ADISSP: variants seen among roughly 807,000 people sequenced by gnomAD.
ADISSP encodes the protein adipose secreted signaling protein.
the ADISSP span, among the ~76,000 whole-genome samples, chr20:3,757,107 T>C: frequency 1.3e-5 from 2 of 152,066 alleles, no homozygotes; most frequent in African/African-American, 2.4e-5. Context: ...TCCCAGCACT[T>C]TGGGAGGCCG....
At chr20:3,764,129 A>T in the ADISSP span, among the ~76,000 whole-genome samples, 1 of 152,160 alleles carries the variant, frequency 6.6e-6, no homozygotes, top group Non-Finnish European at 1.5e-5. Flanking sequence ...AGCCTGCCGT[A>T]ACCGCCCCCC....
chr20:3,756,025 A>C, the ADISSP span, among the ~76,000 whole-genome samples: 2 of 152,160 alleles, frequency 1.3e-5, no homozygotes, highest in African/African-American at 4.8e-5. Flanking sequence ...GGAAAGTTCA[A>C]AGTCCCATGG....
At chr20:3,754,059 C>T in the ADISSP span, 8 of 1,611,294 alleles carry the variant, frequency 5.0e-6, no homozygotes, top group Admixed American at 1.7e-5. Context: ...CCTCGGGCCT[C>T]AGTCAAAGCC....
At chr20:3,758,021 G>T in the ADISSP span, among the ~76,000 whole-genome samples, 2 of 151,944 alleles carry the variant, frequency 1.3e-5, no homozygotes, top group Non-Finnish European at 2.9e-5. This position sits in a 1 kb window ranked among gnomAD's most constrained non-coding sequence, Gnocchi z 5.5. Flanking sequence ...AAAACAGGGG[G>T]TGATAATACT....
chr20:3,765,542 T>C, the ADISSP span, among the ~76,000 whole-genome samples: 1 of 152,162 alleles, frequency 6.6e-6, no homozygotes. Flanking sequence ...ACCCCCCATC[T>C]CTGCAAAAGC....
the ADISSP span, among the ~76,000 whole-genome samples, chr20:3,754,703 CAAA>C: frequency 1.3e-5 from 2 of 152,318 alleles, no homozygotes; most frequent in East Asian, 3.9e-4. Flanking sequence ...GCACAGGTCT[CAAA>C]AACCCATTCT....
the ADISSP span, chr20:3,758,744 C>A: frequency 6.7e-7 from 1 of 1,503,714 alleles, no homozygotes; most frequent in African/African-American, 1.4e-5. The surrounding 1 kb of genome is among the most constrained non-coding windows in gnomAD (Gnocchi z 5.5). Context: ...CCCCTTGTCC[C>A]CTCGTCACCC....
chr20:3,757,761 TG>T, the ADISSP span, among the ~76,000 whole-genome samples: 4 of 152,170 alleles, frequency 2.6e-5, no homozygotes, highest in African/African-American at 9.7e-5. Flanking sequence ...CCCAAGTAGC[TG>T]GGACTACAGG....
chr20:3,766,797 G>T, the ADISSP span, among the ~76,000 whole-genome samples: 1 of 152,204 alleles, frequency 6.6e-6, no homozygotes, highest in African/African-American at 2.4e-5. Context: ...ATGGGAGAGG[G>T]ATGGGGTGCT....
the ADISSP span, chr20:3,754,600 A>C: frequency 2.8e-6 from 4 of 1,431,734 alleles, no homozygotes; most frequent in Non-Finnish European, 2.9e-6. Context: ...GCCCCTACCC[A>C]CCACCATGGG....
the ADISSP span, among the ~76,000 whole-genome samples, chr20:3,763,711 G>T: frequency 2.6e-5 from 4 of 152,202 alleles, no homozygotes; most frequent in Admixed American, 1.3e-4. Context: ...ACTTAGAGAT[G>T]AGTGACACTG....
At chr20:3,763,382 A>G in the ADISSP span, among the ~76,000 whole-genome samples, 1 of 150,986 alleles carries the variant, frequency 6.6e-6, no homozygotes, top group East Asian at 2.0e-4. Context: ...ACATGGAGAA[A>G]CCCTGTCTCT....
At chr20:3,758,667 T>C in the ADISSP span, 12 of 1,613,978 alleles carry the variant, frequency 7.4e-6, no homozygotes, top group African/African-American at 2.7e-5. The surrounding 1 kb of genome is among the most constrained non-coding windows in gnomAD (Gnocchi z 5.5). Flanking sequence ...CTCCGGACTC[T>C]GGGCTTGTTG....
At chr20:3,758,521 T>A in the ADISSP span, 1 of 1,605,764 alleles carries the variant, frequency 6.2e-7, no homozygotes, top group Non-Finnish European at 8.5e-7. The surrounding 1 kb of genome is among the most constrained non-coding windows in gnomAD (Gnocchi z 5.5). Flanking sequence ...GCTGATGGGG[T>A]AGGTGTGCAT....
chr20:3,760,901 G>T, the ADISSP span, among the ~76,000 whole-genome samples: 1 of 152,162 alleles, frequency 6.6e-6, no homozygotes, highest in Non-Finnish European at 1.5e-5. Context: ...GCATCAAAAA[G>T]AATAATGAGT....
chr20:3,759,896 G>A, the ADISSP span: 35 of 986,918 alleles, frequency 3.5e-5, no homozygotes, highest in Non-Finnish European at 4.8e-5. This position sits in a 1 kb window ranked among gnomAD's most constrained non-coding sequence, Gnocchi z 4.6. Flanking sequence ...TAGGGCTTGC[G>A]TGAGCCCCAG....
the ADISSP span, chr20:3,755,694 GC>G: frequency 8.3e-7 from 1 of 1,206,930 alleles, no homozygotes; most frequent in Non-Finnish European, 1.2e-6. Flanking sequence ...GATCCCATGC[GC>G]CCCAGCACCT....
the ADISSP span, among the ~76,000 whole-genome samples, chr20:3,762,196 C>T: frequency 1.3e-5 from 2 of 151,516 alleles, no homozygotes; most frequent in East Asian, 3.9e-4. Context: ...CACTTGAATC[C>T]GGAAGGCGGA....
At chr20:3,762,480 C>A in the ADISSP span, among the ~76,000 whole-genome samples, 2 of 152,066 alleles carry the variant, frequency 1.3e-5, no homozygotes, top group Admixed American at 1.3e-4. Context: ...AAGCAATCCT[C>A]CCACCCCAGC....
Sources: allele counts gnomAD v4.1 joint callset (sites outside exome capture counted in the v4.1 genomes callset), GRCh38; gene constraint gnomAD v4.1.1; non-coding constraint Gnocchi (gnomAD v3.1); transcripts MANE v1.5; gene names NCBI Gene and HGNC (gene_info 2026-07-23, HGNC 2026-07-21).